The following NFIA variants were observed in gnomAD, a reference collection of about 807,000 sequenced individuals.
NFIA encodes the protein nuclear factor 1 A-type.
A neutral mutation model predicts 62.8 loss-of-function variants in NFIA; 8 were observed. The observed-to-expected ratio is 0.13, with a 90% CI of 0.07 to 0.23. The LOEUF (loss-of-function observed/expected upper bound fraction) is 0.23, where lower values mean the gene tolerates loss of function less well. Ranked by LOEUF, NFIA falls within the 10% of genes least tolerant of loss-of-function variation. The probability of loss-of-function intolerance (pLI) is 1.00; values close to 1 mark genes in which losing one functional copy is unlikely to be tolerated. For missense variants in NFIA, 410 were observed against 642.1 expected, an observed-to-expected ratio of 0.64 and a Z score of 3.91; for synonymous variants, 235 against 238.1, an observed-to-expected ratio of 0.99 and a Z score of 0.12.
chr1:61,421,672 G>A (rs1445021413), intron 9 of NFIA, among the ~76,000 whole-genome samples: 1 of 152,170 alleles, frequency 6.6e-6, no homozygotes, highest in African/African-American at 2.4e-5. Flanking sequence ...TGTCACTCAA[G>A]TAGGTCAGCC....
intron 2 of NFIA, among the ~76,000 whole-genome samples, chr1:61,211,991 A>C (rs1653294714): frequency 6.6e-6 from 1 of 152,226 alleles, no homozygotes. Flanking sequence ...TTCAAATGTG[A>C]GAAAACTCCT....
chr1:61,358,379 C>CTTTTTTTTTTTTTTTTTTTTTTTTTTTT (rs34853369), intron 5 of NFIA, among the ~76,000 whole-genome samples: 7 of 52,618 alleles, frequency 1.3e-4, no homozygotes, highest in Admixed American at 3.0e-4. Flanking sequence ...TTCTTTCTTT[C>CTTTTTTTTTTTTTTTTTTTTTTTTTTTT]TTTTTTTTTT....
At chr1:61,161,756 C>T (rs1287907285) in intron 2 of NFIA, among the ~76,000 whole-genome samples, 1 of 152,166 alleles carries the variant, frequency 6.6e-6, no homozygotes. Flanking sequence ...TACACACACA[C>T]ACACCCCTCT....
At chr1:61,101,527 G>A (rs552911401) in intron 2 of NFIA, among the ~76,000 whole-genome samples, 4 of 152,030 alleles carry the variant, frequency 2.6e-5, no homozygotes, top group South Asian at 2.1e-4. Context: ...AACAAATAGC[G>A]TTATAGGAAA....
In NFIA at chr1:61,196,898, A is replaced by AGTGTGTGT. The variant is rs3030264; in HGVS notation, c.560-80586_560-80579dup. Among the ~76,000 whole-genome samples, 5 of 148,448 alleles carry AGTGTGTGT rather than the reference A, an allele frequency of 3.4e-5. 1 individual carries two copies. The highest frequency in any genetic ancestry group is 2.0e-4 in the East Asian group (1 of 4,922). ...GTCACACTGTTTAAAACCTTAAAGG[A>AGTGTGTGT]GTGTGTGTGTGTGTGTGTGTGTGTG... On this transcript the variant is annotated intron_variant, in intron 2 of 10. Transcript: ENST00000403491.
intron 10 of NFIA, among the ~76,000 whole-genome samples, chr1:61,446,371 G>C (rs1313428942): frequency 2.0e-5 from 3 of 152,174 alleles, no homozygotes; most frequent in African/African-American, 7.2e-5. Flanking sequence ...TTAATCCTTA[G>C]GGACTGTTGG....
chr1:61,242,169 T>G (rs967628572), intron 2 of NFIA, among the ~76,000 whole-genome samples: 6 of 152,194 alleles, frequency 3.9e-5, no homozygotes, highest in Admixed American at 2.0e-4. Flanking sequence ...TAGTGCTGAT[T>G]AGAATTTTAG....
chr1:61,270,762 G>A (rs1657453744), intron 2 of NFIA, among the ~76,000 whole-genome samples: 1 of 152,178 alleles, frequency 6.6e-6, no homozygotes, highest in African/African-American at 2.4e-5. Flanking sequence ...TTGCAGGGAT[G>A]GCTTTTTAAG....
intron 2 of NFIA, among the ~76,000 whole-genome samples, chr1:61,110,499 ATG>A (rs779471111): frequency 6.6e-6 from 1 of 152,066 alleles, no homozygotes; most frequent in Admixed American, 6.6e-5. Flanking sequence ...GTATAGAAAA[ATG>A]TGTACTTTTA....
At chr1:61,340,581 A>G (rs1053917563) in intron 4 of NFIA, among the ~76,000 whole-genome samples, 1 of 152,258 alleles carries the variant, frequency 6.6e-6, no homozygotes, top group Non-Finnish European at 1.5e-5. Context: ...TCTGCCACAT[A>G]GTAGATGCTC....
Position 61,082,679 on chromosome 1 carries a change from T to G in NFIA, c.-113T>G. On this transcript the variant is annotated 5_prime_UTR_variant, in exon 1 of 11. Coordinates refer to ENST00000403491, the MANE Select transcript of NFIA (RefSeq NM_001134673.4). ...ATTTTTTTTTCTCCCCCCTTCTCTCTCTCTCTCTCTCTCTCTCTTCCTCTC... is the reference window on the plus strand; with the variant it reads ...ATTTTTTTTTCTCCCCCCTTCTCTCGCTCTCTCTCTCTCTCTCTTCCTCTC... 1 of 1,520,382 alleles carries G rather than the reference T, an allele frequency of 6.6e-7. No individual in the cohort carries two copies. The highest frequency in any genetic ancestry group is 8.9e-7 in the Non-Finnish European group (1 of 1,128,268). The allele number at this position is 1,520,382 out of a possible 1,614,324, so 94.2% of individuals were successfully genotyped here.
chr1:61,293,716 T>A (rs572590057), intron 3 of NFIA, among the ~76,000 whole-genome samples: 24 of 152,230 alleles, frequency 1.6e-4, no homozygotes, highest in Non-Finnish European at 1.8e-4. Flanking sequence ...CTTCATGTAA[T>A]CTCACTAACA....
intron 3 of NFIA, among the ~76,000 whole-genome samples, chr1:61,305,949 A>G (rs1446025586): frequency 6.7e-6 from 1 of 149,876 alleles, no homozygotes; most frequent in Non-Finnish European, 1.5e-5. Flanking sequence ...CCGAGTTCAC[A>G]CCATTCTCCT....
chr1:61,407,182 C>T (rs2100526677), intron 9 of NFIA, among the ~76,000 whole-genome samples: 1 of 152,234 alleles, frequency 6.6e-6, no homozygotes, highest in Middle Eastern at 3.4e-3. Flanking sequence ...TAGATCAAAG[C>T]ACCAACTCAA....
chr1:61,235,747 AAGCTGCAGTG>A (rs1654971019), intron 2 of NFIA, among the ~76,000 whole-genome samples: 1 of 150,812 alleles, frequency 6.6e-6, no homozygotes, highest in African/African-American at 2.4e-5. Flanking sequence ...TGGGAAGTTG[AAGCTGCAGTG>A]AGCTGTGATA....
intron 2 of NFIA, among the ~76,000 whole-genome samples, chr1:61,090,523 T>G (rs1029131097): frequency 2.6e-5 from 4 of 152,224 alleles, no homozygotes; most frequent in African/African-American, 9.6e-5. Context: ...ATTACGTGCC[T>G]TCTTTTTCGT....
intron 7 of NFIA, among the ~76,000 whole-genome samples, chr1:61,394,347 G>A (rs1163168520): frequency 1.3e-5 from 2 of 151,938 alleles, no homozygotes; most frequent in South Asian, 2.1e-4. Flanking sequence ...CTAATTTTTT[G>A]TATTTTTAGT....
chr1:61,285,478 G>A (rs1206815106), intron 3 of NFIA, among the ~76,000 whole-genome samples: 1 of 152,170 alleles, frequency 6.6e-6, no homozygotes, highest in Admixed American at 6.5e-5. Flanking sequence ...GGGATTTGGA[G>A]TCACTAATCC....
intron 2 of NFIA, among the ~76,000 whole-genome samples, chr1:61,146,548 G>C (rs1377986980): frequency 6.6e-6 from 1 of 152,138 alleles, no homozygotes; most frequent in Non-Finnish European, 1.5e-5. Context: ...ATTGCTCTCT[G>C]TTCCACAAGA....
Sources: allele counts gnomAD v4.1 joint callset (sites outside exome capture counted in the v4.1 genomes callset), GRCh38; gene constraint gnomAD v4.1.1; transcripts MANE v1.5; gene names NCBI Gene and HGNC (gene_info 2026-07-23, HGNC 2026-07-21).